The following KIF16B variants were observed in gnomAD, a reference collection of about 807,000 sequenced individuals.
KIF16B encodes kinesin-like protein KIF16B.
Under a neutral mutation model 156.3 loss-of-function variants are expected in KIF16B, and 98 were observed. That is an observed-to-expected ratio of 0.63 (90% confidence interval 0.53 to 0.74). The LOEUF (loss-of-function observed/expected upper bound fraction) is 0.74. Ranked by LOEUF, KIF16B falls within the 30% of genes least tolerant of loss-of-function variation. The pLI, the probability that KIF16B is intolerant of heterozygous loss-of-function variation, is 0.00. For missense variants in KIF16B, 1,421 were observed against 1,606.5 expected (o/e 0.88, Z 1.97); for synonymous variants, 564 against 583.7 (o/e 0.97, Z 0.49).
chr20:16,411,462 G>C (rs1377444386), intron 15 of KIF16B, among the ~76,000 whole-genome samples: 1 of 152,006 alleles, frequency 6.6e-6, no homozygotes, highest in Non-Finnish European at 1.5e-5. Context: ...TACCTTCTGT[G>C]CCACAGATCA....
intron 22 of KIF16B, 147 bp downstream of exon 22, chr20:16,370,439 C>T: frequency 1.8e-6 from 1 of 553,710 alleles, no homozygotes; most frequent in Non-Finnish European, 3.0e-6. Context: ...AATTTTAAGT[C>T]CATATAATAG....
intron 12 of KIF16B, among the ~76,000 whole-genome samples, chr20:16,430,860 T>C (rs529595357): frequency 6.6e-6 from 1 of 151,696 alleles, no homozygotes; most frequent in South Asian, 2.1e-4. Flanking sequence ...TATATATATA[T>C]ATATATGTAC....
intron 1 of KIF16B, among the ~76,000 whole-genome samples, chr20:16,559,539 C>T (rs2070980853): frequency 6.6e-6 from 1 of 151,914 alleles, no homozygotes; most frequent in Non-Finnish European, 1.5e-5. Context: ...AAGGCCAACA[C>T]AGAAGGATCA....
At chr20:16,348,560 G>A (rs1038729222) in intron 23 of KIF16B, among the ~76,000 whole-genome samples, 4 of 152,254 alleles carry the variant, frequency 2.6e-5, no homozygotes, top group African/African-American at 7.2e-5. Context: ...ACGAAGGGCA[G>A]TGCGGTCCAG....
chr20:16,309,302 A>T (rs1303500520), intron 25 of KIF16B, among the ~76,000 whole-genome samples: 1 of 152,144 alleles, frequency 6.6e-6, no homozygotes, highest in Non-Finnish European at 1.5e-5. Context: ...ATACTCCTCT[A>T]CTTACTATCT....
intron 6 of KIF16B, among the ~76,000 whole-genome samples, chr20:16,508,514 G>A (rs1282622837): frequency 6.6e-6 from 1 of 152,140 alleles, no homozygotes; most frequent in African/African-American, 2.4e-5. Flanking sequence ...TAAGGCATTG[G>A]TTATATTCTC....
chr20:16,333,570 T>G (rs1004490134), intron 24 of KIF16B, among the ~76,000 whole-genome samples: 1 of 152,232 alleles, frequency 6.6e-6, no homozygotes, highest in African/African-American at 2.4e-5. Flanking sequence ...AATACACCCT[T>G]TTTCCTCTGG....
At chr20:16,511,112 T>C (rs1600584167) in intron 6 of KIF16B, among the ~76,000 whole-genome samples, 1 of 152,208 alleles carries the variant, frequency 6.6e-6, no homozygotes, top group East Asian at 1.9e-4. Flanking sequence ...AAAAATGCAA[T>C]GCCATTTAGA....
At chr20:16,423,005 G>A (rs2066263465) in intron 15 of KIF16B, among the ~76,000 whole-genome samples, 1 of 152,064 alleles carries the variant, frequency 6.6e-6, no homozygotes, top group Non-Finnish European at 1.5e-5. Flanking sequence ...GTGTGATACT[G>A]CTTCAAAAGT....
At chr20:16,413,001 A>G (rs909827129) in intron 15 of KIF16B, among the ~76,000 whole-genome samples, 1 of 152,036 alleles carries the variant, frequency 6.6e-6, no homozygotes, top group Non-Finnish European at 1.5e-5. Context: ...TCAGTGCTTA[A>G]TCTCTCCAGA....
At chr20:16,318,980 T>C (rs181501303) in intron 24 of KIF16B, among the ~76,000 whole-genome samples, 53 of 152,288 alleles carry the variant, frequency 3.5e-4, no homozygotes, top group African/African-American at 1.2e-3. Context: ...GACATACTGA[T>C]AGTATATATC....
intron 10 of KIF16B, 112 bp downstream of exon 10, chr20:16,504,260 A>G: frequency 9.5e-7 from 1 of 1,058,196 alleles, no homozygotes; most frequent in Non-Finnish European, 1.4e-6. Context: ...AGCTTTACTT[A>G]GCACTTATTT....
intron 25 of KIF16B, among the ~76,000 whole-genome samples, chr20:16,295,134 C>T (rs2063365153): frequency 6.6e-6 from 1 of 152,158 alleles, no homozygotes; most frequent in Non-Finnish European, 1.5e-5. Context: ...AATCCATTAT[C>T]AAAAAGATTC....
At chr20:16,484,586 CTT>C (rs1182197505) in intron 12 of KIF16B, among the ~76,000 whole-genome samples, 1 of 152,104 alleles carries the variant, frequency 6.6e-6, no homozygotes, top group African/African-American at 2.4e-5. Flanking sequence ...TATTTTTTCT[CTT>C]GTTTTAAGAA....
chr20:16,444,186 T>C (rs1241719641), intron 12 of KIF16B, among the ~76,000 whole-genome samples: 2 of 152,214 alleles, frequency 1.3e-5, no homozygotes, highest in Non-Finnish European at 2.9e-5. Flanking sequence ...CTGGATACAA[T>C]CACTTTGGAA....
intron 12 of KIF16B, among the ~76,000 whole-genome samples, chr20:16,457,644 C>A (rs578071553): frequency 2.6e-5 from 4 of 152,034 alleles, no homozygotes; most frequent in African/African-American, 7.2e-5. Context: ...TTGTCTTGTG[C>A]GGAGAATGAA....
chr20:16,395,535 A>G (rs1284078865), intron 17 of KIF16B, among the ~76,000 whole-genome samples: 1 of 152,144 alleles, frequency 6.6e-6, no homozygotes, highest in Non-Finnish European at 1.5e-5. Flanking sequence ...CCAGAACTCT[A>G]CATTTGGAAT....
At chr20:16,497,771 G>T in intron 10 of KIF16B, 93 bp from the exon 11 acceptor site, 2 of 966,042 alleles carry the variant, frequency 2.1e-6, no homozygotes, top group South Asian at 1.5e-5. Context: ...AAATTTCACA[G>T]AAACTATTAA....
chr20:16,279,319 C>A (rs8117207), intron 25 of KIF16B, among the ~76,000 whole-genome samples: 1 of 152,154 alleles, frequency 6.6e-6, no homozygotes, highest in African/African-American at 2.4e-5. Flanking sequence ...TTGGGGGACA[C>A]CTCTTCCAGA....
Sources: allele counts gnomAD v4.1 joint callset (sites outside exome capture counted in the v4.1 genomes callset), GRCh38; gene constraint gnomAD v4.1.1; transcripts MANE v1.5; gene names NCBI Gene and HGNC (gene_info 2026-07-23, HGNC 2026-07-21).